The following CSMD1 variants were observed in gnomAD, a reference collection of about 807,000 sequenced individuals.
CSMD1 encodes the protein CUB and Sushi multiple domains 1.
Under a neutral mutation model 417.5 loss-of-function variants are expected in CSMD1, and 213 were observed. That is an observed-to-expected ratio of 0.51 (90% confidence interval 0.46 to 0.57). The LOEUF is 0.57. CSMD1 is among the 20% of genes least tolerant of loss of function. The pLI is 0.00. For missense variants in CSMD1, 6,923 were observed against 4,529.7 expected, an observed-to-expected ratio of 1.53 and a Z score of -15.17; for synonymous variants, 2,862 against 1,736.8, an observed-to-expected ratio of 1.65 and a Z score of -16.11.
At chr8:4,227,920 A>C (rs1190135945) in intron 3 of CSMD1, among the ~76,000 whole-genome samples, 26 of 132,872 alleles carry the variant, frequency 2.0e-4, no homozygotes, top group South Asian at 7.4e-4. Flanking sequence ...CCCACATTAA[A>C]TCCCACACCT....
chr8:3,714,745 A>T (rs997494278), intron 6 of CSMD1, among the ~76,000 whole-genome samples: 9 of 151,944 alleles, frequency 5.9e-5, no homozygotes, highest in African/African-American at 2.2e-4. Context: ...GTTTCTCAAA[A>T]AAACAACAAC....
chr8:4,606,795 A>T (rs2130780042), intron 2 of CSMD1, among the ~76,000 whole-genome samples: 1 of 152,326 alleles, frequency 6.6e-6, no homozygotes, highest in Middle Eastern at 3.4e-3. Flanking sequence ...GGGGAGTATC[A>T]TTTCTCCCCA....
intron 21 of CSMD1, among the ~76,000 whole-genome samples, chr8:3,348,942 C>T (rs1370847440): frequency 6.6e-6 from 1 of 152,164 alleles, no homozygotes; most frequent in Non-Finnish European, 1.5e-5. Flanking sequence ...CTCCAAAACT[C>T]TAAGTCCAAT....
chr8:4,768,392 TC>T (rs1308046283), intron 1 of CSMD1, among the ~76,000 whole-genome samples: 2 of 152,130 alleles, frequency 1.3e-5, no homozygotes, highest in African/African-American at 4.8e-5. Flanking sequence ...ATTCAGAAAA[TC>T]CTTCCATACA....
chr8:3,134,351 C>G (rs1431991671), intron 41 of CSMD1, among the ~76,000 whole-genome samples: 1 of 152,188 alleles, frequency 6.6e-6, no homozygotes, highest in Admixed American at 6.5e-5. Context: ...CAGCGGACAT[C>G]TGGATTCCAC....
intron 8 of CSMD1, among the ~76,000 whole-genome samples, chr8:3,611,485 C>T (rs1801891752): frequency 6.6e-6 from 1 of 151,966 alleles, no homozygotes. Flanking sequence ...TGGAGTATCT[C>T]TCACTTATTT....
intron 5 of CSMD1, among the ~76,000 whole-genome samples, chr8:3,912,676 A>C (rs987054976): frequency 3.9e-5 from 6 of 152,176 alleles, no homozygotes; most frequent in African/African-American, 1.4e-4. Context: ...ATGTTTGATA[A>C]ACTGAGAAAT....
chr8:3,280,936 T>G (rs1371306285), intron 26 of CSMD1, among the ~76,000 whole-genome samples: 1 of 152,164 alleles, frequency 6.6e-6, no homozygotes, highest in African/African-American at 2.4e-5. Context: ...TGGCCAGGTT[T>G]CAACAGTGAT....
intron 2 of CSMD1, among the ~76,000 whole-genome samples, chr8:4,557,916 C>A (rs919938719): frequency 6.6e-6 from 1 of 152,072 alleles, no homozygotes; most frequent in African/African-American, 2.4e-5. Context: ...TTTAGTTTTT[C>A]ATCATATCTT....
intron 25 of CSMD1, among the ~76,000 whole-genome samples, chr8:3,304,648 T>A (rs557463708): frequency 6.6e-6 from 1 of 152,172 alleles, no homozygotes; most frequent in South Asian, 2.1e-4. Flanking sequence ...TATTGAAATA[T>A]ACGTATACGA....
intron 2 of CSMD1, among the ~76,000 whole-genome samples, chr8:4,483,940 T>A (rs528855929): frequency 1.3e-5 from 2 of 152,194 alleles, no homozygotes; most frequent in South Asian, 4.2e-4. Context: ...TGTTGTATAA[T>A]GTCGTTGTCT....
chr8:4,455,773 A>C (rs1482811665), intron 2 of CSMD1, among the ~76,000 whole-genome samples: 1 of 151,360 alleles, frequency 6.6e-6, no homozygotes, highest in Non-Finnish European at 1.5e-5. Context: ...TCTACTAAAA[A>C]TACAAAAATT....
chr8:3,998,128 G>C lies in CSMD1; in HGVS notation c.611-18C>G, dbSNP rs570844255. 1.7e-5 allele frequency: 26 copies of C among 1,545,772 alleles called. No individual in the cohort carries two copies. Among genetic ancestry groups the C allele is most frequent in the African/African-American group, 4.1e-5 (3 of 73,256 alleles). On this transcript the variant is annotated intron_variant, in intron 4 of 69. Coordinates refer to ENST00000635120, the MANE Select transcript of CSMD1 (RefSeq NM_033225.6). ...TCCCTCAGCTGCAGGGGCAAAAGCA[G>C]AAAGAAAGCATCACATTTCAGGATG...
Position 4,455,106 on chromosome 8 carries a change from C to T in CSMD1, c.303-35041G>A, listed in dbSNP as rs182703707. ...AGGAATTTTTTCTTAAGGTCTGACA[C>T]GTAATAAAGGATGACGGATATCAAA... On this transcript the variant is annotated intron_variant, in intron 2 of 69. Coordinates refer to ENST00000635120, the MANE Select transcript of CSMD1 (RefSeq NM_033225.6). 1.3e-3 allele frequency among the ~76,000 whole-genome samples: 193 copies of T among 151,928 alleles called. 3 individuals carry two copies. The highest frequency in any genetic ancestry group is 3.3e-3 in the Admixed American group (51 of 15,268).
At chr8:3,422,704 C>T (rs270077) in intron 12 of CSMD1, among the ~76,000 whole-genome samples, 134,029 of 152,206 alleles carry the variant, frequency 0.88, 59,303 homozygotes, top group Middle Eastern at 0.95. Flanking sequence ...TATTTTTCAT[C>T]GTCTTAGTCC....
intron 3 of CSMD1, among the ~76,000 whole-genome samples, chr8:4,168,606 C>T (rs1797589192): frequency 6.6e-6 from 1 of 152,036 alleles, no homozygotes; most frequent in African/African-American, 2.4e-5. Flanking sequence ...ACGCTACCAA[C>T]ATGTGTGCAA....
At chr8:4,209,088 A>C (rs992565767) in intron 3 of CSMD1, among the ~76,000 whole-genome samples, 13 of 152,048 alleles carry the variant, frequency 8.5e-5, no homozygotes, top group Non-Finnish European at 1.6e-4. Flanking sequence ...TCCTCTCTTC[A>C]CCCTTGCTCG....
intron 5 of CSMD1, among the ~76,000 whole-genome samples, chr8:3,805,662 G>T (rs550458154): frequency 1.3e-5 from 2 of 152,182 alleles, no homozygotes; most frequent in East Asian, 3.9e-4. Flanking sequence ...GGCAAGTTGG[G>T]TATTTGATTG....
At chr8:4,008,602 T>C (rs1816312419) in intron 4 of CSMD1, among the ~76,000 whole-genome samples, 1 of 51,106 alleles carries the variant, frequency 2.0e-5, no homozygotes, top group Non-Finnish European at 4.1e-5. Flanking sequence ...CTTTTTTTCT[T>C]TTTTTTTTTT....
Sources: allele counts gnomAD v4.1 joint callset (sites outside exome capture counted in the v4.1 genomes callset), GRCh38; gene constraint gnomAD v4.1.1; transcripts MANE v1.5; gene names NCBI Gene and HGNC (gene_info 2026-07-23, HGNC 2026-07-21).